Variants in FAM135B observed in about 807,000 individuals in gnomAD.
FAM135B encodes protein FAM135B.
FAM135B carries 43 observed loss-of-function variants against 127.7 expected under a neutral mutation model. That is an observed-to-expected ratio of 0.34 (90% CI 0.26 to 0.43). The LOEUF (loss-of-function observed/expected upper bound fraction) is 0.43. FAM135B is among the 20% of genes least tolerant of loss of function. The probability of loss-of-function intolerance (pLI) is 1.00; values close to 1 mark genes in which losing one functional copy is unlikely to be tolerated. For missense variants in FAM135B, 1,558 were observed against 1,725.6 expected, an observed-to-expected ratio of 0.90 and a Z score of 1.72; for synonymous variants, 670 against 665.1, an observed-to-expected ratio of 1.01 and a Z score of -0.11.
At chr8:138,232,416 AC>A (rs1819968972) in intron 7 of FAM135B, among the ~76,000 whole-genome samples, 1 of 152,180 alleles carries the variant, frequency 6.6e-6, no homozygotes, top group Admixed American at 6.5e-5. Context: ...ATTTAGCAAT[AC>A]TGTAGACCTT....
intron 7 of FAM135B, among the ~76,000 whole-genome samples, chr8:138,216,730 C>T (rs1003093083): frequency 6.6e-6 from 1 of 152,158 alleles, no homozygotes; most frequent in Admixed American, 6.5e-5. Flanking sequence ...ATGGGTTGCT[C>T]ATTAGAGAGT....
At chr8:138,248,506 G>A (rs887042560) in intron 6 of FAM135B, among the ~76,000 whole-genome samples, 2 of 152,078 alleles carry the variant, frequency 1.3e-5, no homozygotes, top group African/African-American at 4.8e-5. Flanking sequence ...TCCCTGTCGG[G>A]TTAGTATCAC....
chr8:138,140,738 T>C (rs1377630692), intron 17 of FAM135B, among the ~76,000 whole-genome samples: 1 of 152,138 alleles, frequency 6.6e-6, no homozygotes, highest in Non-Finnish European at 1.5e-5. Context: ...TATGTATACA[T>C]ACATATACAC....
intron 6 of FAM135B, among the ~76,000 whole-genome samples, chr8:138,248,156 C>T (rs1438970691): frequency 2.0e-5 from 3 of 152,102 alleles, no homozygotes; most frequent in Non-Finnish European, 2.9e-5. Context: ...TGGTATGTAC[C>T]GAAACTGAAA....
At chr8:138,226,240 T>C (rs1819440914) in intron 7 of FAM135B, among the ~76,000 whole-genome samples, 1 of 150,660 alleles carries the variant, frequency 6.6e-6, no homozygotes, top group Admixed American at 6.6e-5. Flanking sequence ...GAGCATTAGT[T>C]TATGTTGAAC....
rs11783747 is a variant in FAM135B, at chr8:138,141,382, T to G, written c.3639-33A>C. ...GAAACAGAAGGGGTACCCATGAGTGTGACGGTGAATGCTGCTGCCCAAGAG... is the reference window on the plus strand; with the variant it reads ...GAAACAGAAGGGGTACCCATGAGTGGGACGGTGAATGCTGCTGCCCAAGAG... On this transcript the variant is annotated intron_variant, in intron 16 of 19. Coordinates refer to ENST00000395297, the MANE Select transcript of FAM135B (RefSeq NM_015912.4). The surrounding 1 kb of genome is among the most constrained non-coding windows in gnomAD (Gnocchi z 4.7). 64,697 of 1,610,854 alleles carry G rather than the reference T, an allele frequency of 0.04. 1,492 individuals carry two copies. The highest frequency in any genetic ancestry group is 0.066 in the Middle Eastern group (394 of 5,970).
rs1818256176 is a variant in FAM135B at position 138,152,446 on chromosome 8, T to G, written c.2029A>C (p.Lys677Gln). The G allele has an allele frequency of 6.2e-7, 1 of 1,614,066 alleles. No homozygotes were observed. The highest frequency in any genetic ancestry group is 1.7e-5 in the Admixed American group (1 of 60,002). ...TCAGATATGATGGATGAAGATCTCT[T>G]GATGACCCCGGATAGCACTGAGAGT... ...EELSVLSGVI[K>Q]RSSSIISDSG... Residue 677 changes from lysine to glutamine, a missense_variant, in exon 13 of 20, where the codon AAG (lysine) becomes CAG (glutamine). Coordinates refer to ENST00000395297, the MANE Select transcript of FAM135B (RefSeq NM_015912.4).
At position 138,243,020 on chromosome 8, in the gene FAM135B, G is replaced by A. The variant is rs1820956923; in HGVS notation, c.591C>T (p.Asp197=). The A allele has an allele frequency of 6.2e-7, 1 of 1,613,760 alleles. No individual in the cohort carries two copies. The highest frequency in any genetic ancestry group is 8.5e-7 in the Non-Finnish European group (1 of 1,179,880). The change falls in exon 7 of 20, where the codon GAC becomes GAT. Residue 197 remains aspartate (D), a synonymous_variant. Coordinates refer to ENST00000395297, the MANE Select transcript of FAM135B (RefSeq NM_015912.4). The surrounding 1 kb of genome is among the most constrained non-coding windows in gnomAD (Gnocchi z 7.5). ...RGSWLGKGGP[D]TGQEQSIISL... ...AAATGATAGACTGTTCTTGTCCGGT[G>A]TCTGGGCCACCTTTACCAAGCCAGG...
At position 138,243,037 on chromosome 8, in the gene FAM135B, C is replaced by G. The variant is rs972468103; in HGVS notation, c.574G>C (p.Gly192Arg). 6.8e-6 allele frequency: 11 copies of G among 1,612,750 alleles called. No homozygotes were observed. The African/African-American group carries it at 1.5e-4, about 22-fold the overall frequency. Residue 192 changes from glycine to arginine, a missense_variant, in exon 7 of 20, where the codon GGT (glycine) becomes CGT (arginine). This residue lies in a region of FAM135B where 199 missense variants were observed against 245.7 expected (regional missense o/e 0.81). Transcript: ENST00000395297. This position sits in a 1 kb window ranked among gnomAD's most constrained non-coding sequence, Gnocchi z 7.5. ...FTRPGRGSWL[G>R]KGGPDTGQEQ... The stretch of plus-strand genomic sequence containing the variant: ...TGTCCGGTGTCTGGGCCACCTTTAC[C>G]AAGCCAGGAGCCTCTTCCTGGACGA...
chr8:138,349,088 G>A (rs1829611877), intron 2 of FAM135B, among the ~76,000 whole-genome samples: 1 of 152,188 alleles, frequency 6.6e-6, no homozygotes, highest in South Asian at 2.1e-4. Flanking sequence ...AGTTTGCCTG[G>A]GACTTTCGTG....
At chr8:138,299,222 A>G (rs190334907) in intron 3 of FAM135B, among the ~76,000 whole-genome samples, 35 of 152,022 alleles carry the variant, frequency 2.3e-4, no homozygotes, top group African/African-American at 8.2e-4. Context: ...CAAATGAGTC[A>G]GAGAAATATG....
intron 2 of FAM135B, among the ~76,000 whole-genome samples, chr8:138,321,114 C>T (rs1827426036): frequency 6.6e-6 from 1 of 152,196 alleles, no homozygotes; most frequent in Non-Finnish European, 1.5e-5. Flanking sequence ...GTAACTTTCC[C>T]TCCCTGAGCC....
intron 3 of FAM135B, among the ~76,000 whole-genome samples, chr8:138,272,749 G>A (rs1236712674): frequency 2.6e-5 from 4 of 152,170 alleles, no homozygotes. Flanking sequence ...AAACCCACTG[G>A]ATTTCCTTCG....
chr8:138,149,797 C>A (rs16908373), intron 13 of FAM135B, among the ~76,000 whole-genome samples: 28,723 of 151,970 alleles, frequency 0.19, 2,726 homozygotes, highest in South Asian at 0.23. Flanking sequence ...TTTGGCTCCA[C>A]CACGCGCACA....
chr8:138,217,592 A>G (rs1344929177), intron 7 of FAM135B, among the ~76,000 whole-genome samples: 1 of 151,750 alleles, frequency 6.6e-6, no homozygotes, highest in Non-Finnish European at 1.5e-5. Flanking sequence ...CGCCACACCC[A>G]GCTAATTTTT....
chr8:138,480,399 C>G (rs1814726114), intron 1 of FAM135B, among the ~76,000 whole-genome samples: 1 of 152,098 alleles, frequency 6.6e-6, no homozygotes. Flanking sequence ...CTGTTGTCAT[C>G]AGGTTGTATA....
chr8:138,362,304 T>A (rs111848886), intron 2 of FAM135B, among the ~76,000 whole-genome samples: 3 of 129,590 alleles, frequency 2.3e-5, no homozygotes, highest in African/African-American at 3.2e-5. Flanking sequence ...TTTTTTTTTT[T>A]ACCAAATACC....
At chr8:138,304,871 C>T (rs77061567) in intron 3 of FAM135B, among the ~76,000 whole-genome samples, 7,454 of 152,260 alleles carry the variant, frequency 0.049, 277 homozygotes, top group East Asian at 0.12. Flanking sequence ...ACTGCTGTGA[C>T]CTGCCTGGAA....
In FAM135B at chr8:138,151,505, G is replaced by T. The variant is rs781105888; in HGVS notation, c.2970C>A (p.Thr990=). ...TCAAAACCTGGGAATGAACGGAATG[G>T]GTCACAGTGGGGCACACAGTGCCTG... The part of the protein sequence containing the change: ...HKAGTVCPTV[T]HSVHSQVLKN... The change falls in exon 13 of 20, where the codon ACC becomes ACA. Residue 990 remains threonine (T), a synonymous_variant. Coordinates refer to ENST00000395297, the MANE Select transcript of FAM135B (RefSeq NM_015912.4). 1.2e-6 allele frequency: 2 copies of T among 1,614,202 alleles called. No individual in the cohort carries two copies. Among genetic ancestry groups the T allele is most frequent in the Admixed American group, 3.3e-5 (2 of 60,030 alleles).
Sources: gnomAD v4.1 joint callset for allele counts (sites outside exome capture counted in the v4.1 genomes callset) on GRCh38, gnomAD v4.1.1 for gene constraint, gnomAD v4.1.1 regional missense constraint, Gnocchi (gnomAD v3.1) non-coding constraint, MANE v1.5 for transcripts, NCBI Gene and HGNC (gene_info 2026-07-23, HGNC 2026-07-21) for gene names.